ZNF791: variants seen among roughly 807,000 people sequenced by gnomAD.
The protein encoded by ZNF791 is zinc finger protein 791.
Under a neutral mutation model 11.5 loss-of-function variants are expected in ZNF791, and 4 were observed. The observed-to-expected ratio is 0.35, with a 90% CI of 0.17 to 0.80. ZNF791 has a LOEUF of 0.80. Among genes scored for constraint, ZNF791 ranks in the 30% least tolerant of loss-of-function variants. ZNF791 has a pLI of 0.53. For missense variants in ZNF791, 559 were observed against 699.4 expected, an observed-to-expected ratio of 0.80 and a Z score of 2.26; for synonymous variants, 212 against 228.1, an observed-to-expected ratio of 0.93 and a Z score of 0.64.
chr19:12,622,952 T>TCTGTAGTC (rs1196183267), intron 1 of ZNF791, among the ~76,000 whole-genome samples: 2 of 149,460 alleles, frequency 1.3e-5, no homozygotes, highest in African/African-American at 4.9e-5. Flanking sequence ...GTGTTGCACA[T>TCTGTAGTC]CTGTAGTCCT....
rs1398849298 is a variant in ZNF791 at position 12,615,055 on chromosome 19, C to T, written c.3+3973C>T. On this transcript the variant is annotated intron_variant, in intron 1 of 3. Transcript: ENST00000343325. ...TTTTTTTTGAGACAGGGTCCCACTC[C>T]GTCGCCCAGGCTGGAGTGCAGTGAT... 1.1e-3 allele frequency among the ~76,000 whole-genome samples: 135 copies of T among 122,906 alleles called. 2 individuals are homozygous for T. The highest frequency in any genetic ancestry group is 4.1e-3 in the African/African-American group (132 of 32,006). 80.6% of individuals were successfully genotyped at this position (122,906 alleles called of 152,430 possible).
intron 1 of ZNF791, among the ~76,000 whole-genome samples, chr19:12,621,882 A>G: frequency 7.9e-6 from 1 of 126,168 alleles, no homozygotes; most frequent in Non-Finnish European, 1.7e-5. Flanking sequence ...AGAACGGGCC[A>G]GGATGACAAT....
chr19:12,631,854 T>C lies in ZNF791; in HGVS notation c.*2594T>C, dbSNP rs532288658. ...CTTGGAAGTGAGATAATTCTGTAAGTACTCTTTAAGCAGTGGTCAAAAGTT... is the reference window on the plus strand; with the variant it reads ...CTTGGAAGTGAGATAATTCTGTAAGCACTCTTTAAGCAGTGGTCAAAAGTT... On this transcript the variant is annotated 3_prime_UTR_variant, in exon 4 of 4. Transcript: ENST00000343325. The C allele has an allele frequency of 4.6e-5, 7 of 152,352 alleles. No individual in the cohort carries two copies. The highest frequency in any genetic ancestry group is 4.6e-4 in the Admixed American group (7 of 15,290). 9.4% of individuals were successfully genotyped at this position (152,352 alleles called of 1,614,324 possible). A position where few individuals can be genotyped will look rare whatever the true frequency, so the allele number is the denominator to read the frequency against.
At chr19:12,619,477 T>TCC (rs1382045903) in intron 1 of ZNF791, among the ~76,000 whole-genome samples, 1 of 125,368 alleles carries the variant, frequency 8.0e-6, no homozygotes, top group Non-Finnish European at 1.6e-5. Context: ...TGAGACGGAG[T>TCC]CTCGATTTGT....
intron 1 of ZNF791, among the ~76,000 whole-genome samples, chr19:12,613,752 C>A (rs886474614): frequency 1.3e-5 from 2 of 152,038 alleles, no homozygotes; most frequent in Non-Finnish European, 2.9e-5. Flanking sequence ...GGGGAGCCTC[C>A]CCTACAGGTC....
intron 1 of ZNF791, among the ~76,000 whole-genome samples, chr19:12,619,399 C>T (rs1202736560): frequency 2.0e-5 from 3 of 151,188 alleles, no homozygotes; most frequent in Non-Finnish European, 4.4e-5. Flanking sequence ...GTTGATCCTC[C>T]GTTTGTACAT....
intron 1 of ZNF791, among the ~76,000 whole-genome samples, chr19:12,618,875 G>A (rs1302217322): frequency 6.7e-6 from 1 of 150,224 alleles, no homozygotes. Flanking sequence ...TTGAGATGGA[G>A]TCTCACTCTG....
intron 1 of ZNF791, among the ~76,000 whole-genome samples, chr19:12,621,714 C>CATTTAATCCCATATCTTAA (rs1555703244): frequency 1.3e-5 from 1 of 74,984 alleles, no homozygotes; most frequent in African/African-American, 5.0e-5. Flanking sequence ...ACCTCCACCT[C>CATTTAATCCCATATCTTAA]GGTGGGGGGT....
Position 12,629,172 on chromosome 19 carries a change from A to G in ZNF791, c.1643A>G (p.Tyr548Cys). 3 of 1,591,716 alleles carry G rather than the reference A, an allele frequency of 1.9e-6. No individual in the cohort carries two copies. The highest frequency in any genetic ancestry group is 2.6e-6 in the Non-Finnish European group (3 of 1,171,306). ...CAAAGACATACAAGAATTCACAATT[A>G]TGAGAAACCTCTTGAATGTAAGCAA... ...SFQRHTRIHN[Y>C]EKPLECKQCG... The change falls in exon 4 of 4, where the codon TAT (tyrosine) becomes TGT (cysteine). Residue 548 changes from tyrosine (Y) to cysteine (C), a missense_variant. Tyr to Cys is a radical substitution (Grantham distance 194). Coordinates refer to ENST00000343325, the MANE Select transcript of ZNF791 (RefSeq NM_153358.3).
chr19:12,612,447 TTAC>T (rs2023173305), intron 1 of ZNF791: 2 of 150,682 alleles, frequency 1.3e-5, no homozygotes, highest in East Asian at 3.9e-4. Flanking sequence ...TATTATTTAT[TTAC>T]TTTTTTTTTT....
rs1464204761 is a variant in ZNF791, at chr19:12,629,902, T to G, written c.*642T>G. 6.7e-6 allele frequency: 1 copy of G among 148,914 alleles called. No homozygotes were observed. Among genetic ancestry groups the G allele is most frequent in the Non-Finnish European group, 1.5e-5 (1 of 67,602 alleles). 9.2% of individuals were successfully genotyped at this position (148,914 alleles called of 1,614,324 possible). On this transcript the variant is annotated 3_prime_UTR_variant, in exon 4 of 4. Coordinates refer to ENST00000343325, the MANE Select transcript of ZNF791 (RefSeq NM_153358.3). ...AAAAAAAGTACAACACAGCTGGGCA[T>G]GGTCACACCTGTGATCCCAACACTG...
intron 3 of ZNF791, among the ~76,000 whole-genome samples, chr19:12,625,447 C>CAAAAATG (rs568686916): frequency 1.0e-3 from 155 of 151,838 alleles, no homozygotes; most frequent in Non-Finnish European, 1.8e-3. Context: ...AAATGTTTAC[C>CAAAAATG]AAAAATGTTT....
At position 12,627,707 on chromosome 19, in the gene ZNF791, C is replaced by A; in HGVS notation, c.192-14C>A. The A allele has an allele frequency of 6.3e-7, 1 of 1,593,534 alleles. No individual in the cohort carries two copies. Among genetic ancestry groups the A allele is most frequent in the Non-Finnish European group, 8.6e-7 (1 of 1,167,320 alleles). On this transcript the variant is annotated splice_polypyrimidine_tract_variant and intron_variant, in intron 3 of 3. Transcript: ENST00000343325. ...ATACACAACCAGTATTACCGTGCTT[C>A]TAATTTTTTACAGAAGCCATACGGG... is the stretch of plus-strand genomic sequence containing the variant.
intron 1 of ZNF791, among the ~76,000 whole-genome samples, chr19:12,611,605 A>G (rs139480163): frequency 4.8e-4 from 73 of 152,304 alleles, no homozygotes; most frequent in African/African-American, 1.8e-3. Flanking sequence ...CACACGCAGT[A>G]TTTTAATAAT....
In ZNF791 at chr19:12,624,551, TAAAC is replaced by T. The variant is rs553254391; in HGVS notation, c.131-98_131-95del. The T allele has an allele frequency of 1.9e-4, 169 of 893,356 alleles. No individual in the cohort carries two copies. In the African/African-American group the frequency reaches 2.7e-3, roughly 14 times the overall value. 55.3% of individuals were successfully genotyped at this position (893,356 alleles called of 1,614,324 possible). A position where few individuals can be genotyped will look rare whatever the true frequency, so the allele number is the denominator to read the frequency against. ...TCTGAAAAGGAAACACTTCTGTAAA[TAAAC>T]CAGGCATGGTTACAGCTCATTGTGA... On this transcript the variant is annotated intron_variant, in intron 2 of 3. Transcript: ENST00000343325.
intron 1 of ZNF791, among the ~76,000 whole-genome samples, chr19:12,623,029 AGGATT>A (rs1347371006): frequency 6.6e-6 from 1 of 152,148 alleles, no homozygotes; most frequent in African/African-American, 2.4e-5. Flanking sequence ...ACAGTGAGTT[AGGATT>A]GCTGCACTTG....
intron 1 of ZNF791, among the ~76,000 whole-genome samples, chr19:12,613,239 T>C (rs1342074144): frequency 6.7e-6 from 1 of 148,628 alleles, no homozygotes; most frequent in African/African-American, 2.5e-5. Context: ...GGATTATAGG[T>C]GTGAGCCATC....
In ZNF791 at chr19:12,611,133, G is replaced by T. The variant is rs776056916; in HGVS notation, c.3+51G>T. On this transcript the variant is annotated intron_variant, in intron 1 of 3. Coordinates refer to ENST00000343325, the MANE Select transcript of ZNF791 (RefSeq NM_153358.3). ...GGAACCGGCCGTGATCGCGGGACCCGGGCCTCCCCACGGTCACCTCCGGCC... is the reference window on the plus strand; with the variant it reads ...GGAACCGGCCGTGATCGCGGGACCCTGGCCTCCCCACGGTCACCTCCGGCC... 9 of 1,610,374 alleles carry T rather than the reference G, an allele frequency of 5.6e-6. No individual in the cohort carries two copies. In the Admixed American group the frequency reaches 1.3e-4, roughly 24 times the overall value.
At position 12,625,718 on chromosome 19, in the gene ZNF791, G is replaced by A. The variant is rs375449515; in HGVS notation, c.191+1008G>A. Among the ~76,000 whole-genome samples the A allele has an allele frequency of 2.2e-4, 33 of 148,926 alleles. No individual in the cohort carries two copies. In the East Asian group the frequency reaches 6.0e-3, roughly 27 times the overall value. Reference sequence around the variant, plus strand: ...GAGAATCACTTGAACCTGGGAGGCAGAGGTTGCAGTGAGCCCAGATCGCAC... The same window carrying A: ...GAGAATCACTTGAACCTGGGAGGCAAAGGTTGCAGTGAGCCCAGATCGCAC... On this transcript the variant is annotated intron_variant, in intron 3 of 3. Coordinates refer to ENST00000343325, the MANE Select transcript of ZNF791 (RefSeq NM_153358.3).
Sources: gnomAD v4.1 joint callset for allele counts (sites outside exome capture counted in the v4.1 genomes callset) on GRCh38, gnomAD v4.1.1 for gene constraint, MANE v1.5 for transcripts, NCBI Gene and HGNC (gene_info 2026-07-23, HGNC 2026-07-21) for gene names.